The following KCTD1 variants were observed in gnomAD, a reference collection of about 807,000 sequenced individuals.
KCTD1 encodes the protein BTB/POZ domain-containing protein KCTD1.
KCTD1 carries 24 observed loss-of-function variants against 66.0 expected under a neutral mutation model. That is an observed-to-expected ratio of 0.36 (90% CI 0.26 to 0.51). KCTD1 has a LOEUF of 0.51. KCTD1 is among the 20% of genes least tolerant of loss of function. The pLI, the probability that KCTD1 is intolerant of heterozygous loss-of-function variation, is 0.95. For missense variants in KCTD1, 943 were observed against 1,205.2 expected, an observed-to-expected ratio of 0.78 and a Z score of 3.22; for synonymous variants, 511 against 517.2, an observed-to-expected ratio of 0.99 and a Z score of 0.16.
chr18:26,646,303 G>A (rs893918103), intron 1 of KCTD1, among the ~76,000 whole-genome samples: 3 of 152,118 alleles, frequency 2.0e-5, no homozygotes, highest in African/African-American at 7.2e-5. Context: ...AAAGAGAAAC[G>A]GATTTGAAAT....
At position 26,548,248 on chromosome 18, in the gene KCTD1, TCTC is replaced by T. The variant is rs1985356256; in HGVS notation, c.286_288del (p.Glu96del). 1 of 1,511,642 alleles carries T rather than the reference TCTC, an allele frequency of 6.6e-7. No individual in the cohort carries two copies. The allele number at this position is 1,511,642 out of a possible 1,614,324, so 93.6% of individuals were successfully genotyped here. A position where few individuals can be genotyped will look rare whatever the true frequency, so the allele number is the denominator to read the frequency against. Reference sequence around the variant, plus strand: ...AGGGGCTCGTCCCAGTCCAGCCCCATCTCCTCCTCTTCCTCCTCCTCCTCGTCC... The same window carrying T: ...AGGGGCTCGTCCCAGTCCAGCCCCATCTCCTCTTCCTCCTCCTCCTCGTCC... On this transcript the variant is annotated inframe_deletion, in exon 1 of 5. Transcript: ENST00000580059.
chr18:26,588,788 C>T (rs1986527664), intron 1 of KCTD1, among the ~76,000 whole-genome samples: 1 of 151,400 alleles, frequency 6.6e-6, no homozygotes, highest in Non-Finnish European at 1.5e-5. Context: ...TCCTGATACC[C>T]CACTGGAGAC....
chr18:26,549,033 G>C, upstream of KCTD1: 2 of 985,176 alleles, frequency 2.0e-6, no homozygotes, highest in Non-Finnish European at 2.4e-6. Flanking sequence ...CCGGGGGGTC[G>C]GGGCGGCGGC....
upstream of KCTD1, chr18:26,549,566 G>C: frequency 1.4e-6 from 1 of 705,016 alleles, no homozygotes; most frequent in Non-Finnish European, 1.7e-6. Flanking sequence ...CGCCCTCCCT[G>C]CCCCTGAGCA....
chr18:26,471,524 A>G (rs373236486), intron 3 of KCTD1, among the ~76,000 whole-genome samples: 2 of 152,146 alleles, frequency 1.3e-5, no homozygotes, highest in East Asian at 3.9e-4. Flanking sequence ...AACTCATGAT[A>G]CAGTTTTTAA....
chr18:26,565,129 C>T (rs1386434124), intron 1 of KCTD1, among the ~76,000 whole-genome samples: 1 of 152,052 alleles, frequency 6.6e-6, no homozygotes, highest in Non-Finnish European at 1.5e-5. Flanking sequence ...TTGGGAAGAT[C>T]CTTTGAAGGT....
At position 26,476,435 on chromosome 18, in the gene KCTD1, G is replaced by A; in HGVS notation, c.2133+80C>T. 2.2e-6 allele frequency: 3 copies of A among 1,355,630 alleles called. No individual in the cohort carries two copies. 84.0% of individuals were successfully genotyped at this position (1,355,630 alleles called of 1,614,324 possible). On this transcript the variant is annotated intron_variant, in intron 3 of 4. Transcript: ENST00000580059. The surrounding 1 kb of genome is among the most constrained non-coding windows in gnomAD (Gnocchi z 4.9). ...TTTCGAGTTGGTGTATGTTAATAAT[G>A]TAGAACTAGAAATATTTTTTTGGAG...
At chr18:26,540,745 C>T (rs942682194) in intron 1 of KCTD1, among the ~76,000 whole-genome samples, 5 of 152,158 alleles carry the variant, frequency 3.3e-5, no homozygotes, top group African/African-American at 1.2e-4. Flanking sequence ...ACAGATGATA[C>T]ATAAAGCACA....
At chr18:26,534,421 T>C (rs1388156171) in intron 1 of KCTD1, among the ~76,000 whole-genome samples, 1 of 152,160 alleles carries the variant, frequency 6.6e-6, no homozygotes, top group African/African-American at 2.4e-5. Flanking sequence ...GCCAAAGATG[T>C]GAGTTCTCCA....
At chr18:26,644,070 G>C (rs1333183406), upstream of KCTD1, among the ~76,000 whole-genome samples, 1 of 152,078 alleles carries the variant, frequency 6.6e-6, no homozygotes, top group Non-Finnish European at 1.5e-5. Context: ...TTTTTGCATA[G>C]CACTTAATCC....
At chr18:26,471,011 G>A (rs1347267598) in intron 3 of KCTD1, among the ~76,000 whole-genome samples, 2 of 152,162 alleles carry the variant, frequency 1.3e-5, no homozygotes, top group Admixed American at 1.3e-4. Context: ...CAGGGATGTG[G>A]TGCTTTGCTC....
chr18:26,525,167 TC>T (rs1164770722), intron 1 of KCTD1, among the ~76,000 whole-genome samples: 1 of 152,180 alleles, frequency 6.6e-6, no homozygotes, highest in Non-Finnish European at 1.5e-5. Flanking sequence ...ACTCTCTTTT[TC>T]TATCAGTATG....
At chr18:26,618,759 T>C (rs1263190012) in intron 1 of KCTD1, among the ~76,000 whole-genome samples, 1 of 152,232 alleles carries the variant, frequency 6.6e-6, no homozygotes, top group Non-Finnish European at 1.5e-5. Flanking sequence ...TTTCCAACTA[T>C]TTTCAACTAT....
intron 1 of KCTD1, among the ~76,000 whole-genome samples, chr18:26,526,474 A>G (rs1272679148): frequency 1.3e-5 from 2 of 152,210 alleles, no homozygotes; most frequent in African/African-American, 2.4e-5. Context: ...ATAGTCCTAC[A>G]TGTGTTTGAA....
intron 1 of KCTD1, among the ~76,000 whole-genome samples, chr18:26,582,492 T>C (rs1178774421): frequency 1.3e-5 from 2 of 152,222 alleles, no homozygotes; most frequent in Non-Finnish European, 2.9e-5. Context: ...TTTGACAATA[T>C]GTAACCACAA....
chr18:26,601,428 C>A (rs1986897845), intron 1 of KCTD1, among the ~76,000 whole-genome samples: 1 of 151,232 alleles, frequency 6.6e-6, no homozygotes, highest in African/African-American at 2.4e-5. Context: ...ATATGACTAT[C>A]CTTATGTCAG....
chr18:26,532,261 CTTTTTTTTTTTTTTTTTT>C (rs533359603), intron 1 of KCTD1, among the ~76,000 whole-genome samples: 31 of 29,556 alleles, frequency 1.0e-3, no homozygotes, highest in African/African-American at 2.0e-3. Flanking sequence ...TTCTTTCCTT[CTTTTTTTTTTTTTTTTTT>C]TTTTTTTTGA....
chr18:26,648,424 C>T (rs914083788), intron 1 of KCTD1, among the ~76,000 whole-genome samples: 12 of 152,216 alleles, frequency 7.9e-5, no homozygotes, highest in Admixed American at 2.0e-4. Context: ...AAGTCAGTTA[C>T]AGAGGGACCC....
chr18:26,465,626 C>CA (rs1046617215), intron 3 of KCTD1, among the ~76,000 whole-genome samples: 26 of 152,354 alleles, frequency 1.7e-4, no homozygotes, highest in East Asian at 1.4e-3. Context: ...TCTCCACTCC[C>CA]ATCTTACAGA....
Sources: allele counts gnomAD v4.1 joint callset (sites outside exome capture counted in the v4.1 genomes callset), GRCh38; gene constraint gnomAD v4.1.1; non-coding constraint Gnocchi (gnomAD v3.1); transcripts MANE v1.5; gene names NCBI Gene and HGNC (gene_info 2026-07-23, HGNC 2026-07-21).